The following FAF1 variants were observed in gnomAD, a reference collection of about 807,000 sequenced individuals.
FAF1 encodes the protein Fas associated factor 1.
FAF1 carries 25 observed loss-of-function variants against 92.5 expected under a neutral mutation model. The ratio of observed to expected loss-of-function variants is 0.27; its 90% CI spans 0.20 to 0.38. FAF1 has a LOEUF of 0.38. FAF1 is among the 10% of genes least tolerant of loss of function. The pLI is 1.00. For missense variants in FAF1, 636 were observed against 793.3 expected (o/e 0.80, Z 2.38); for synonymous variants, 234 against 273.2 (o/e 0.86, Z 1.42).
intron 7 of FAF1, among the ~76,000 whole-genome samples, chr1:50,700,249 G>A (rs953412593): frequency 1.3e-5 from 2 of 151,976 alleles, no homozygotes; most frequent in East Asian, 1.9e-4. Context: ...GGGGCTGTGT[G>A]TAATGGGTCC....
chr1:50,888,607 G>C (rs1277631976), intron 1 of FAF1, among the ~76,000 whole-genome samples: 1 of 152,004 alleles, frequency 6.6e-6, no homozygotes, highest in African/African-American at 2.4e-5. Context: ...TTTTGTCAAA[G>C]GCCTTTTCTG....
intron 4 of FAF1, among the ~76,000 whole-genome samples, chr1:50,764,722 T>TACTA: frequency 6.6e-6 from 1 of 152,194 alleles, no homozygotes; most frequent in South Asian, 2.1e-4. Flanking sequence ...GGAAGAGAGG[T>TACTA]ACTATATCAG....
At chr1:50,944,168 A>G (rs1645156133) in intron 1 of FAF1, among the ~76,000 whole-genome samples, 1 of 152,198 alleles carries the variant, frequency 6.6e-6, no homozygotes, top group Non-Finnish European at 1.5e-5. Context: ...CATGACCTGG[A>G]GCCAACCACT....
At chr1:50,880,429 G>GC (rs1644602641) in intron 1 of FAF1, among the ~76,000 whole-genome samples, 1 of 152,156 alleles carries the variant, frequency 6.6e-6, no homozygotes, top group Non-Finnish European at 1.5e-5. Context: ...AATGTGGCTG[G>GC]CCGTATTCGG....
At chr1:50,821,271 T>C (rs898667267) in intron 2 of FAF1, among the ~76,000 whole-genome samples, 3 of 152,208 alleles carry the variant, frequency 2.0e-5, no homozygotes, top group Non-Finnish European at 4.4e-5. Flanking sequence ...CACACTGGGC[T>C]AGAAATTCAG....
At chr1:50,492,158 C>G (rs1366312341) in intron 15 of FAF1, among the ~76,000 whole-genome samples, 2 of 152,196 alleles carry the variant, frequency 1.3e-5, no homozygotes, top group Non-Finnish European at 2.9e-5. Flanking sequence ...GGACCTGGCA[C>G]TTAGTTCATT....
At chr1:50,502,636 A>T (rs545391884) in intron 15 of FAF1, among the ~76,000 whole-genome samples, 1 of 152,162 alleles carries the variant, frequency 6.6e-6, no homozygotes, top group Admixed American at 6.5e-5. Context: ...GACTTGCCGT[A>T]TATGTCAGCA....
chr1:50,506,716 C>T (rs1305691859), intron 15 of FAF1, among the ~76,000 whole-genome samples: 5 of 152,152 alleles, frequency 3.3e-5, no homozygotes, highest in African/African-American at 1.2e-4. Context: ...TATACATACC[C>T]TTCTAATTAT....
intron 8 of FAF1, among the ~76,000 whole-genome samples, chr1:50,628,170 T>G (rs941974557): frequency 1.3e-5 from 2 of 152,144 alleles, no homozygotes; most frequent in Non-Finnish European, 2.9e-5. Flanking sequence ...TGTTTAAATG[T>G]GAACAGAATT....
At chr1:50,609,673 C>T (rs12727377) in intron 8 of FAF1, among the ~76,000 whole-genome samples, 244 of 152,184 alleles carry the variant, frequency 1.6e-3, no homozygotes, top group Middle Eastern at 3.4e-3. Context: ...TGAGCTACTG[C>T]GCCTGAAGAT....
At chr1:50,523,360 G>A (rs1647608972) in intron 15 of FAF1, among the ~76,000 whole-genome samples, 1 of 152,140 alleles carries the variant, frequency 6.6e-6, no homozygotes, top group Non-Finnish European at 1.5e-5. Flanking sequence ...CATAGCAGCT[G>A]CCATTTTACA....
Position 50,862,762 on chromosome 1 carries a change from A to G in FAF1, c.46-4765T>C, listed in dbSNP as rs1644446619. On this transcript the variant is annotated intron_variant, in intron 1 of 18. Transcript: ENST00000396153. Reference sequence around the variant, plus strand: ...CTATTCTTATATGAGAAAAAAACAAACTTTAAAGCAACAACAGTTAAAAAA... The same window carrying G: ...CTATTCTTATATGAGAAAAAAACAAGCTTTAAAGCAACAACAGTTAAAAAA... Among the ~76,000 whole-genome samples, 3 of 152,038 alleles carry G rather than the reference A, an allele frequency of 2.0e-5. No homozygotes were observed. The South Asian group carries it at 6.2e-4, about 32-fold the overall frequency.
chr1:50,624,952 AGT>A (rs1653426520), intron 8 of FAF1, among the ~76,000 whole-genome samples: 1 of 129,978 alleles, frequency 7.7e-6, no homozygotes. Context: ...CCCAGGCTGG[AGT>A]GCAATGGCAT....
At chr1:50,462,971 C>G (rs941799029) in intron 18 of FAF1, among the ~76,000 whole-genome samples, 5 of 152,150 alleles carry the variant, frequency 3.3e-5, no homozygotes, top group Admixed American at 6.6e-5. Context: ...GTTTGAGAGG[C>G]CTGCTTACAA....
chr1:50,784,754 C>T (rs1416986499), intron 4 of FAF1, among the ~76,000 whole-genome samples: 1 of 152,056 alleles, frequency 6.6e-6, no homozygotes, highest in African/African-American at 2.4e-5. Context: ...AAGCTGGAGG[C>T]CTCCTACTTC....
intron 8 of FAF1, among the ~76,000 whole-genome samples, chr1:50,608,192 T>G (rs1652514422): frequency 6.6e-6 from 1 of 152,242 alleles, no homozygotes; most frequent in Non-Finnish European, 1.5e-5. Context: ...GTTTAGTTGT[T>G]GACATGGAAA....
At chr1:50,836,228 T>TGATGTGA (rs1166715532) in intron 2 of FAF1, among the ~76,000 whole-genome samples, 1 of 141,814 alleles carries the variant, frequency 7.1e-6, no homozygotes, top group African/African-American at 2.7e-5. Context: ...TGGAGTGCAG[T>TGATGTGA]GATGTGATCA....
At chr1:50,684,675 A>C (rs906015017) in intron 7 of FAF1, among the ~76,000 whole-genome samples, 1 of 152,206 alleles carries the variant, frequency 6.6e-6, no homozygotes, top group African/African-American at 2.4e-5. Context: ...AAATTCCTGA[A>C]TATTTAATAA....
chr1:50,886,157 AT>A (rs2124694453), intron 1 of FAF1, among the ~76,000 whole-genome samples: 1 of 152,212 alleles, frequency 6.6e-6, no homozygotes, highest in Admixed American at 6.5e-5. Flanking sequence ...TTTTCTGTGT[AT>A]TTACTGTTGC....
Sources: allele counts gnomAD v4.1 joint callset (sites outside exome capture counted in the v4.1 genomes callset), GRCh38; gene constraint gnomAD v4.1.1; transcripts MANE v1.5; gene names NCBI Gene and HGNC (gene_info 2026-07-23, HGNC 2026-07-21).